Variants in RBPJL observed in about 807,000 individuals in gnomAD.
RBPJL encodes recombination signal binding protein for immunoglobulin kappa J region like.
RBPJL carries 50 observed loss-of-function variants against 57.6 expected under a neutral mutation model. The ratio of observed to expected loss-of-function variants is 0.87; its 90% CI spans 0.69 to 1.10. RBPJL has a LOEUF of 1.10. Among genes scored for constraint, RBPJL ranks in the 50% least tolerant of loss-of-function variants. RBPJL has a pLI of 0.00. For synonymous variants in RBPJL, 303 were observed against 294.4 expected (o/e 1.03, Z -0.30); for missense variants, 684 against 693.7 (o/e 0.99, Z 0.16).
intron 7 of RBPJL, 107 bp downstream of exon 7, chr20:45,313,712 G>A (rs1009672090): frequency 1.2e-5 from 15 of 1,233,258 alleles, no homozygotes; most frequent in Non-Finnish European, 1.7e-5. Flanking sequence ...TGTGATTAAG[G>A]CTCAGAAACA....
chr20:45,309,430 G>A, intron 2 of RBPJL, 137 bp from the exon 3 acceptor site: 1 of 853,200 alleles, frequency 1.2e-6, no homozygotes, highest in Non-Finnish European at 1.7e-6. Flanking sequence ...ACAGGGGCAG[G>A]ATATAGAGCA....
At chr20:45,312,965 A>C (rs926252090) in intron 6 of RBPJL, among the ~76,000 whole-genome samples, 8 of 151,534 alleles carry the variant, frequency 5.3e-5, no homozygotes, top group African/African-American at 1.7e-4. Flanking sequence ...CTGTGATAGC[A>C]CCACGGCAGT....
chr20:45,309,121 T>G (rs1300040647), intron 2 of RBPJL, among the ~76,000 whole-genome samples: 1 of 151,698 alleles, frequency 6.6e-6, no homozygotes, highest in Non-Finnish European at 1.5e-5. Context: ...TCCCTTCCCC[T>G]CCCTCCTCAC....
At chr20:45,315,962 A>T in intron 9 of RBPJL, 1 of 397,300 alleles carries the variant, frequency 2.5e-6, no homozygotes. Flanking sequence ...TAAAGAAAAA[A>T]GAAAGAAGAA....
At chr20:45,310,729 G>A (rs1387631052) in intron 3 of RBPJL, among the ~76,000 whole-genome samples, 2 of 152,184 alleles carry the variant, frequency 1.3e-5, no homozygotes, top group African/African-American at 4.8e-5. Context: ...ACAAGTCAGA[G>A]AGGTAAGCAG....
intron 9 of RBPJL, 150 bp downstream of exon 9, chr20:45,314,715 A>G: frequency 1.4e-6 from 1 of 694,040 alleles, no homozygotes. Flanking sequence ...GGACAGAATC[A>G]TAGGATGTAG....
At chr20:45,314,953 G>GGC (rs778202200) in intron 9 of RBPJL, among the ~76,000 whole-genome samples, 3 of 152,064 alleles carry the variant, frequency 2.0e-5, no homozygotes, top group Non-Finnish European at 4.4e-5. Flanking sequence ...CATGGCAGTG[G>GGC]GCGCCTGTAA....
chr20:45,313,792 C>A (rs1015170163), intron 7 of RBPJL, among the ~76,000 whole-genome samples, 187 bp downstream of exon 7: 1 of 152,240 alleles, frequency 6.6e-6, no homozygotes, highest in Non-Finnish European at 1.5e-5. Context: ...CTTATCCATG[C>A]CCTTTCCCCA....
intron 3 of RBPJL, 82 bp downstream of exon 3, chr20:45,309,774 T>C: frequency 2.5e-6 from 4 of 1,571,570 alleles, no homozygotes; most frequent in Non-Finnish European, 2.6e-6. Context: ...GGGCCTCTTT[T>C]AGACGCAGAG....
Position 45,311,625 on chromosome 20 carries a change from G to T in RBPJL, c.294G>T (p.Gly98=). ...FCPPPCVYLS[G]PGWRVKPGQD... is the part of the protein sequence containing the mutation. ...CCCCGCCCTGTGTCTACCTCTCGGG[G>T]CCTGGCTGGAGGGTGAAGCCAGGGC... Residue 98 remains glycine, a synonymous_variant, in exon 4 of 12, where the codon GGG becomes GGT. Coordinates refer to ENST00000343694, the MANE Select transcript of RBPJL (RefSeq NM_014276.4). 6.2e-7 allele frequency: 1 copy of T among 1,614,176 alleles called. No homozygotes were observed.
Position 45,316,756 on chromosome 20 carries a change from G to A in RBPJL, c.1351G>A (p.Ala451Thr), listed in dbSNP as rs779665318. 3 of 1,613,706 alleles carry A rather than the reference G, an allele frequency of 1.9e-6. No individual in the cohort carries two copies. Among genetic ancestry groups the A allele is most frequent in the African/African-American group, 2.7e-5 (2 of 75,010 alleles). Residue 451 changes from alanine to threonine, a missense_variant, in exon 12 of 12, where the codon GCT (alanine) becomes ACT (threonine). Ala to Thr is a moderately conservative substitution (Grantham distance 58). Transcript: ENST00000343694. Reference protein sequence around the residue: ...AFCSDWRWLRAPITIPMSLVR... With the variant: ...AFCSDWRWLRTPITIPMSLVR... The stretch of plus-strand genomic sequence containing the variant: ...CTGCAGCGACTGGCGCTGGCTGCGC[G>A]CTCCCATCACAATCCCCATGAGCCT...
At position 45,317,115 on chromosome 20, in the gene RBPJL, C is replaced by G. The variant is rs1171359243; in HGVS notation, c.*156C>G. On this transcript the variant is annotated 3_prime_UTR_variant, in exon 12 of 12. Coordinates refer to ENST00000343694, the MANE Select transcript of RBPJL (RefSeq NM_014276.4). ...GAAACCGGGCCTGGTGGGTCTTACC[C>G]GGCTCACTCCCTCCCTTGTCCTTAC... 1.3e-6 allele frequency: 1 copy of G among 799,836 alleles called. No homozygotes were observed. Among genetic ancestry groups the G allele is most frequent in the East Asian group, 2.6e-5 (1 of 38,290 alleles). The allele number at this position is 799,836 out of a possible 1,614,324, so 49.5% of individuals were successfully genotyped here.
chr20:45,311,176 AAAG>A (rs1050295065), intron 3 of RBPJL, among the ~76,000 whole-genome samples: 37 of 150,284 alleles, frequency 2.5e-4, no homozygotes, highest in Non-Finnish European at 4.1e-4. Context: ...TGAAAGAAAA[AAAG>A]AAAGAAAGAG....
At chr20:45,316,664 C>A in intron 11 of RBPJL, 22 bp from the exon 12 acceptor site, 1 of 1,564,826 alleles carries the variant, frequency 6.4e-7, no homozygotes. Context: ...CCGCAGCCCT[C>A]ACCCTGGTGC....
At chr20:45,312,760 T>G (rs1470730393) in intron 6 of RBPJL, among the ~76,000 whole-genome samples, 2 of 138,220 alleles carry the variant, frequency 1.4e-5, no homozygotes, top group Admixed American at 1.6e-4. Flanking sequence ...GAGGCCAAGG[T>G]GGGCGGATCA....
chr20:45,312,077 C>T lies in RBPJL; in HGVS notation c.444+123C>T, dbSNP rs561192211. The T allele has an allele frequency of 3.4e-6, 5 of 1,464,648 alleles. No individual in the cohort carries two copies. In the East Asian group the frequency reaches 9.1e-5, roughly 27 times the overall value. The allele number at this position is 1,464,648 out of a possible 1,614,324, so 90.7% of individuals were successfully genotyped here. ...GTGGGGAGACCGGGAGGCCGGGGTC[C>T]TGCCTTAAGGCCGAGCCTGAGAGCC... On this transcript the variant is annotated intron_variant, in intron 5 of 11. Coordinates refer to ENST00000343694, the MANE Select transcript of RBPJL (RefSeq NM_014276.4).
chr20:45,316,385 T>A (rs1392512685), intron 10 of RBPJL, 43 bp downstream of exon 10: 3 of 1,607,876 alleles, frequency 1.9e-6, no homozygotes, highest in Non-Finnish European at 2.6e-6. Flanking sequence ...GGACCCTGCC[T>A]GCACTGGGCA....
Position 45,311,673 on chromosome 20 carries a change from C to T in RBPJL, c.328+14C>T. 6.2e-7 allele frequency: 1 copy of T among 1,613,634 alleles called. No individual in the cohort carries two copies. The highest frequency in any genetic ancestry group is 8.5e-7 in the Non-Finnish European group (1 of 1,179,784). Reference sequence around the variant, plus strand: ...GGCAGGATCAAGGTGAGGGCGGAATCAAGGGCTGCCGGCCGCCTGCTCTGT... The same window carrying T: ...GGCAGGATCAAGGTGAGGGCGGAATTAAGGGCTGCCGGCCGCCTGCTCTGT... On this transcript the variant is annotated intron_variant, in intron 4 of 11. Coordinates refer to ENST00000343694, the MANE Select transcript of RBPJL (RefSeq NM_014276.4).
chr20:45,307,049 G>A (rs1986768726), intron 1 of RBPJL, 105 bp downstream of exon 1: 1 of 658,466 alleles, frequency 1.5e-6, no homozygotes. Flanking sequence ...TAAGCCCCAA[G>A]GAGGCAGCCC....
Sources: gnomAD v4.1 joint callset for allele counts (sites outside exome capture counted in the v4.1 genomes callset) on GRCh38, gnomAD v4.1.1 for gene constraint, MANE v1.5 for transcripts, NCBI Gene and HGNC (gene_info 2026-07-23, HGNC 2026-07-21) for gene names.